Variants in DERA observed in about 807,000 individuals in gnomAD.
DERA encodes deoxyribose-phosphate aldolase.
Under a neutral mutation model 41.1 loss-of-function variants are expected in DERA, and 15 were observed. The ratio of observed to expected loss-of-function variants is 0.37; its 90% CI spans 0.24 to 0.56. The LOEUF is 0.56. Among genes scored for constraint, DERA ranks in the 20% least tolerant of loss-of-function variants. The pLI is 0.81. For missense variants in DERA, 396 were observed against 403.4 expected, an observed-to-expected ratio of 0.98 and a Z score of 0.16; for synonymous variants, 139 against 137.4, an observed-to-expected ratio of 1.01 and a Z score of -0.08.
In DERA at chr12:15,928,263, G is replaced by A. The variant is rs1948302150; in HGVS notation, c.31+16849G>A. Reference sequence around the variant, plus strand: ...GTATGACTGAAACTTTGTACCCTTTGACCATCATCTCTAATTACCTGCCTT... The same window carrying A: ...GTATGACTGAAACTTTGTACCCTTTAACCATCATCTCTAATTACCTGCCTT... On this transcript the variant is annotated intron_variant, in intron 1 of 8. Transcript: ENST00000428559. The surrounding 1 kb of genome is among the most constrained non-coding windows in gnomAD (Gnocchi z 4.6). Among the ~76,000 whole-genome samples, 1 of 152,096 alleles carries A rather than the reference G, an allele frequency of 6.6e-6. No individual in the cohort carries two copies. The highest frequency in any genetic ancestry group is 1.5e-5 in the Non-Finnish European group (1 of 68,028).
Position 15,952,237 on chromosome 12 carries a change from T to G in DERA, c.32-4699T>G, listed in dbSNP as rs536632070. On this transcript the variant is annotated intron_variant, in intron 1 of 8. Transcript: ENST00000428559. Reference sequence around the variant, plus strand: ...TTTTAATGGCTGAATTGTATTCTGTTTTTTGGATTTGCTATATATTATTGA... The same window carrying G: ...TTTTAATGGCTGAATTGTATTCTGTGTTTTGGATTTGCTATATATTATTGA... Among the ~76,000 whole-genome samples, 3 of 152,328 alleles carry G rather than the reference T, an allele frequency of 2.0e-5. No individual in the cohort carries two copies. The East Asian group carries it at 5.8e-4, about 29-fold the overall frequency.
At chr12:16,030,089 A>AT (rs71051276) in intron 6 of DERA, among the ~76,000 whole-genome samples, 2,637 of 139,190 alleles carry the variant, frequency 0.019, 85 homozygotes, top group African/African-American at 0.067. Context: ...TGCCCGGCTA[A>AT]TTTTTTTTTT....
At chr12:15,923,739 C>G (rs2136126184) in intron 1 of DERA, among the ~76,000 whole-genome samples, 1 of 145,086 alleles carries the variant, frequency 6.9e-6, no homozygotes, top group Non-Finnish European at 1.5e-5. Context: ...GTGAATTCAT[C>G]TCTTCCTCTC....
chr12:15,973,834 C>A (rs929716982), intron 5 of DERA, among the ~76,000 whole-genome samples: 1 of 151,520 alleles, frequency 6.6e-6, no homozygotes, highest in African/African-American at 2.4e-5. Context: ...GTTATAGAAG[C>A]CATAGAGTGA....
At chr12:16,023,884 A>C (rs1478664390) in intron 6 of DERA, among the ~76,000 whole-genome samples, 1 of 152,240 alleles carries the variant, frequency 6.6e-6, no homozygotes, top group Admixed American at 6.5e-5. Context: ...TAGTATGTTA[A>C]TAGCTTTAAT....
rs1169054785 is a variant in DERA at position 15,967,558 on chromosome 12, A to C, written c.508+4611A>C. Among the ~76,000 whole-genome samples, 1 of 152,210 alleles carries C rather than the reference A, an allele frequency of 6.6e-6. No individual in the cohort carries two copies. The highest frequency in any genetic ancestry group is 2.4e-5 in the African/African-American group (1 of 41,454). ...TTCATTACTGATTATATTATCCCAG[A>C]ATACAGTGATGCTTTCAGGGGCCAG... On this transcript the variant is annotated intron_variant, in intron 5 of 8. Coordinates refer to ENST00000428559, the MANE Select transcript of DERA (RefSeq NM_015954.4). The surrounding 1 kb of genome is among the most constrained non-coding windows in gnomAD (Gnocchi z 4.9).
rs1202592528 is a variant in DERA, at chr12:15,911,746, C to A, written c.31+332C>A. On this transcript the variant is annotated intron_variant, in intron 1 of 8. Coordinates refer to ENST00000428559, the MANE Select transcript of DERA (RefSeq NM_015954.4). This position sits in a 1 kb window ranked among gnomAD's most constrained non-coding sequence, Gnocchi z 4.5. ...AAACAAAACCCAAAACAAACAACCC[C>A]CAAGCAGGTAAAAACAGATAAAAAC... 1.7e-6 allele frequency: 1 copy of A among 597,728 alleles called. No individual in the cohort carries two copies. The allele number at this position is 597,728 out of a possible 1,614,324, so 37.0% of individuals were successfully genotyped here.
At chr12:15,919,289 C>T (rs1173416756) in intron 1 of DERA, among the ~76,000 whole-genome samples, 9 of 151,500 alleles carry the variant, frequency 5.9e-5, no homozygotes, top group East Asian at 1.9e-4. Context: ...CATCTAAGCC[C>T]GGTGGATTTT....
chr12:15,963,914 A>G (rs1169133305), intron 5 of DERA, among the ~76,000 whole-genome samples: 1 of 152,124 alleles, frequency 6.6e-6, no homozygotes, highest in East Asian at 1.9e-4. Flanking sequence ...GTGAAGCCTA[A>G]TTCCATTGAT....
At position 15,989,371 on chromosome 12, in the gene DERA, A is replaced by G. The variant is rs998963034; in HGVS notation, c.637+6935A>G. ...TCCAGTGAAATGTATGCTGCTGTAC[A>G]TTTTTAGTTTAGAATTTCCATTTGA... On this transcript the variant is annotated intron_variant, in intron 6 of 8. Transcript: ENST00000428559. The surrounding 1 kb of genome is among the most constrained non-coding windows in gnomAD (Gnocchi z 5.2). Among the ~76,000 whole-genome samples the G allele has an allele frequency of 1.3e-5, 2 of 152,168 alleles. No homozygotes were observed. The highest frequency in any genetic ancestry group is 2.4e-5 in the African/African-American group (1 of 41,440).
At chr12:16,030,639 T>G (rs964744139) in intron 6 of DERA, among the ~76,000 whole-genome samples, 1 of 152,232 alleles carries the variant, frequency 6.6e-6, no homozygotes, top group Non-Finnish European at 1.5e-5. Context: ...GATAACTCTT[T>G]AAATATAGCT....
intron 1 of DERA, among the ~76,000 whole-genome samples, chr12:15,917,847 C>T (rs1948211881): frequency 6.6e-6 from 1 of 152,106 alleles, no homozygotes; most frequent in Non-Finnish European, 1.5e-5. Context: ...GCATTTTTTT[C>T]AGTGGATAAC....
At position 16,000,280 on chromosome 12, in the gene DERA, C is replaced by T. The variant is rs1948865892; in HGVS notation, c.637+17844C>T. Among the ~76,000 whole-genome samples the T allele has an allele frequency of 6.6e-6, 1 of 152,200 alleles. No homozygotes were observed. The highest frequency in any genetic ancestry group is 2.1e-4 in the South Asian group (1 of 4,832). On this transcript the variant is annotated intron_variant, in intron 6 of 8. Coordinates refer to ENST00000428559, the MANE Select transcript of DERA (RefSeq NM_015954.4). This position sits in a 1 kb window ranked among gnomAD's most constrained non-coding sequence, Gnocchi z 4.8. ...TGCAGAACATAGCGCAGTCTAACCG[C>T]TTTTCCTCTACTTTTCTGTTCTTGC...
chr12:15,934,539 A>C (rs1442299522), intron 1 of DERA, among the ~76,000 whole-genome samples: 1 of 152,036 alleles, frequency 6.6e-6, no homozygotes, highest in Non-Finnish European at 1.5e-5. Flanking sequence ...CAGTGAGCCG[A>C]GATCGTGCCA....
At chr12:15,926,518 C>G (rs1048664612) in intron 1 of DERA, among the ~76,000 whole-genome samples, 29 of 152,086 alleles carry the variant, frequency 1.9e-4, no homozygotes, top group Non-Finnish European at 3.7e-4. Flanking sequence ...GGGCGGATCA[C>G]GAGATGAGGA....
At chr12:15,960,209 C>T (rs977891865) in intron 4 of DERA, among the ~76,000 whole-genome samples, 8 of 148,044 alleles carry the variant, frequency 5.4e-5, no homozygotes, top group East Asian at 2.0e-4. Flanking sequence ...TATATATATA[C>T]ACACACACAC....
rs1219984965 is a variant in DERA, at chr12:15,976,612, T to A, written c.509-5696T>A. Reference sequence around the variant, plus strand: ...TCTAAATCAACAAGAGGCTCTTTCATCTTAATTATAACAGCTTAAACTTTT... The same window carrying A: ...TCTAAATCAACAAGAGGCTCTTTCAACTTAATTATAACAGCTTAAACTTTT... On this transcript the variant is annotated intron_variant, in intron 5 of 8. Coordinates refer to ENST00000428559, the MANE Select transcript of DERA (RefSeq NM_015954.4). The surrounding 1 kb of genome is among the most constrained non-coding windows in gnomAD (Gnocchi z 4.1). 1.3e-5 allele frequency among the ~76,000 whole-genome samples: 2 copies of A among 152,210 alleles called. No individual in the cohort carries two copies. Among genetic ancestry groups the A allele is most frequent in the African/African-American group, 2.4e-5 (1 of 41,452 alleles).
In DERA at chr12:16,001,080, A is replaced by C. The variant is rs1016376008; in HGVS notation, c.637+18644A>C. On this transcript the variant is annotated intron_variant, in intron 6 of 8. Coordinates refer to ENST00000428559, the MANE Select transcript of DERA (RefSeq NM_015954.4). The surrounding 1 kb of genome is among the most constrained non-coding windows in gnomAD (Gnocchi z 4.1). ...TCTGCTGGAGTTATTTTTGAAGTAC[A>C]TCTATCATTTTCATTTTCTGTCCAT... Among the ~76,000 whole-genome samples, 1 of 152,150 alleles carries C rather than the reference A, an allele frequency of 6.6e-6. No homozygotes were observed. Among genetic ancestry groups the C allele is most frequent in the African/African-American group, 2.4e-5 (1 of 41,424 alleles).
In DERA at chr12:15,934,414, G is replaced by A. The variant is rs192634571; in HGVS notation, c.32-22522G>A. Among the ~76,000 whole-genome samples, 277 of 152,076 alleles carry A rather than the reference G, an allele frequency of 1.8e-3. 2 individuals carry two copies. The highest frequency in any genetic ancestry group is 2.9e-3 in the Admixed American group (44 of 15,270). ...ATCCTGGCTAACACGGCGAAACCCC[G>A]TCTCTATTAAAAATACAAAAAATTA... On this transcript the variant is annotated intron_variant, in intron 1 of 8. Transcript: ENST00000428559.
Sources: gnomAD v4.1 joint callset for allele counts (sites outside exome capture counted in the v4.1 genomes callset) on GRCh38, gnomAD v4.1.1 for gene constraint, Gnocchi (gnomAD v3.1) non-coding constraint, MANE v1.5 for transcripts, NCBI Gene and HGNC (gene_info 2026-07-23, HGNC 2026-07-21) for gene names.